The following DNAH17 variants were observed in gnomAD, a reference collection of about 807,000 sequenced individuals.
DNAH17 encodes dynein axonemal heavy chain 17.
DNAH17 carries 376 observed loss-of-function variants against 485.6 expected under a neutral mutation model. The observed-to-expected ratio is 0.77, with a 90% CI of 0.71 to 0.84. The LOEUF (loss-of-function observed/expected upper bound fraction) is 0.84, where lower values mean the gene tolerates loss of function less well. Ranked by LOEUF, DNAH17 falls within the 40% of genes least tolerant of loss-of-function variation. The pLI is 0.00. For synonymous variants in DNAH17, 3,031 were observed against 2,405.9 expected (o/e 1.26, Z -7.60); for missense variants, 6,370 against 5,839.3 (o/e 1.09, Z -2.96).
chr17:78,570,547 G>C (rs1267418949), intron 6 of DNAH17, among the ~76,000 whole-genome samples, 175 bp from the exon 7 acceptor site: 1 of 151,944 alleles, frequency 6.6e-6, no homozygotes, highest in Non-Finnish European at 1.5e-5. Flanking sequence ...AGAAACCCAC[G>C]GCCCCACATG....
intron 27 of DNAH17, among the ~76,000 whole-genome samples, chr17:78,509,362 C>T (rs555479909): frequency 2.0e-5 from 3 of 152,184 alleles, no homozygotes; most frequent in South Asian, 2.1e-4. Flanking sequence ...TGGGCTCAAG[C>T]GCTCCTCCTG....
chr17:78,543,777 A>C (rs1356227922), intron 17 of DNAH17, 80 bp downstream of exon 17: 1 of 1,597,888 alleles, frequency 6.3e-7, no homozygotes, highest in Admixed American at 1.7e-5. Context: ...ATTTTTATGA[A>C]ATCTCCAGCC....
intron 74 of DNAH17, among the ~76,000 whole-genome samples, chr17:78,435,854 C>T (rs761967340): frequency 1.2e-4 from 19 of 152,314 alleles, no homozygotes; most frequent in African/African-American, 2.2e-4. Context: ...AACGTATCCT[C>T]GCGCCCCTCA....
intron 18 of DNAH17, among the ~76,000 whole-genome samples, chr17:78,537,923 G>A (rs1172238205): frequency 6.6e-6 from 1 of 152,200 alleles, no homozygotes; most frequent in Non-Finnish European, 1.5e-5. Flanking sequence ...TGGATCACCT[G>A]AGGTCAGGAG....
intron 36 of DNAH17, 60 bp downstream of exon 36, chr17:78,500,245 C>T: frequency 6.5e-7 from 1 of 1,529,120 alleles, no homozygotes; most frequent in Non-Finnish European, 8.8e-7. Context: ...GGACAGGGTG[C>T]TAGGATCTGC....
intron 54 of DNAH17, among the ~76,000 whole-genome samples, chr17:78,474,724 A>G (rs967130391): frequency 6.6e-6 from 1 of 150,826 alleles, no homozygotes; most frequent in African/African-American, 2.4e-5. Flanking sequence ...CACACCCTTC[A>G]CCTCAGTCAC....
rs149999193 is a variant in DNAH17 at position 78,505,231 on chromosome 17, T to C, written c.4956+62A>G. ...CCGGACATCGCCATCTGAGGGCGTGTGGCCCACACGCGTGCTGCACCCTTG... is the reference window on the plus strand; with the variant it reads ...CCGGACATCGCCATCTGAGGGCGTGCGGCCCACACGCGTGCTGCACCCTTG... On this transcript the variant is annotated intron_variant, in intron 31 of 80. Transcript: ENST00000389840. The C allele has an allele frequency of 2.9e-3, 4,603 of 1,597,344 alleles. 9 individuals are homozygous for C. The highest frequency in any genetic ancestry group is 3.6e-3 in the Non-Finnish European group (4,206 of 1,169,176).
At chr17:78,554,430 C>CA (rs1415059379) in intron 14 of DNAH17, among the ~76,000 whole-genome samples, 1 of 62,282 alleles carries the variant, frequency 1.6e-5, no homozygotes, top group African/African-American at 5.9e-5. Flanking sequence ...GAATGAGACT[C>CA]TGTCTCAAAA....
rs1170307619 is a variant in DNAH17, at chr17:78,572,723, C to T, written c.517G>A (p.Gly173Ser). Residue 173 changes from glycine to serine, a missense_variant, in exon 3 of 81, where the codon GGC becomes AGC. By Grantham distance (56) the Gly-to-Ser change is moderately conservative (BLOSUM62 0). Coordinates refer to ENST00000389840, the MANE Select transcript of DNAH17 (RefSeq NM_173628.4). ...PIPEHLGSLD[G>S]TLESMERIPS... is the part of the protein sequence containing the mutation. ...CACCTCTCCATGGACTCCAGCGTGC[C>T]ATCCAGGCTGCCCAGGTGCTCCGGA... is the stretch of plus-strand genomic sequence containing the variant. 1.2e-5 allele frequency: 20 copies of T among 1,609,418 alleles called. No individual in the cohort carries two copies. The highest frequency in any genetic ancestry group is 1.7e-5 in the Non-Finnish European group (20 of 1,178,124).
At chr17:78,537,604 T>C in intron 18 of DNAH17, 123 bp from the exon 19 acceptor site, 4 of 1,158,730 alleles carry the variant, frequency 3.5e-6, no homozygotes, top group Non-Finnish European at 4.9e-6. Context: ...CTGGGAAGCT[T>C]CTGAGAGCTC....
intron 48 of DNAH17, among the ~76,000 whole-genome samples, chr17:78,484,092 CCT>C (rs1568128999): frequency 1.9e-4 from 15 of 80,800 alleles, no homozygotes; most frequent in African/African-American, 8.0e-4. Context: ...CGAGATTTCT[CCT>C]CAAAAAAAAA....
Position 78,501,880 on chromosome 17 carries a change from G to A in DNAH17, c.5191-7C>T. On this transcript the variant is annotated splice_region_variant and splice_polypyrimidine_tract_variant and intron_variant, in intron 33 of 80. Coordinates refer to ENST00000389840, the MANE Select transcript of DNAH17 (RefSeq NM_173628.4). ...GTACGTTCAGCTGGCTAATCTGCGG[G>A]GGAGAGTGCCTTCGATGAGACACCA... is the stretch of plus-strand genomic sequence containing the variant. The A allele has an allele frequency of 6.2e-7, 1 of 1,613,934 alleles. No individual in the cohort carries two copies. Among genetic ancestry groups the A allele is most frequent in the South Asian group, 1.1e-5 (1 of 91,076 alleles).
At chr17:78,529,113 T>C (rs1459195618) in intron 22 of DNAH17, among the ~76,000 whole-genome samples, 1 of 152,178 alleles carries the variant, frequency 6.6e-6, no homozygotes, top group Non-Finnish European at 1.5e-5. Flanking sequence ...GCTAATTTTC[T>C]ATATTTTTGT....
At chr17:78,460,371 TGA>T (rs972209082) in intron 58 of DNAH17, 114 bp from the exon 59 acceptor site, 80 of 892,190 alleles carry the variant, frequency 9.0e-5, no homozygotes, top group East Asian at 4.0e-4. Flanking sequence ...TGCACGTGCA[TGA>T]GTGTATGTGT....
intron 24 of DNAH17, among the ~76,000 whole-genome samples, chr17:78,525,984 C>T (rs2091058982): frequency 6.6e-6 from 1 of 152,202 alleles, no homozygotes; most frequent in African/African-American, 2.4e-5. Context: ...GCAGGTGGGG[C>T]CGACCCAGCA....
intron 75 of DNAH17, 115 bp downstream of exon 75, chr17:78,433,910 GGAAA>G (rs2086765498): frequency 1.8e-6 from 1 of 551,586 alleles, no homozygotes; most frequent in Non-Finnish European, 2.5e-6. Flanking sequence ...AAGACCAAAA[GGAAA>G]GGGAGGGAAG....
chr17:78,478,260 TATC>T (rs1403429290), intron 51 of DNAH17, among the ~76,000 whole-genome samples: 1 of 69,732 alleles, frequency 1.4e-5, no homozygotes, highest in African/African-American at 7.6e-5. Flanking sequence ...CCATCACCAT[TATC>T]ATCTCCACCA....
chr17:78,427,333 C>G (rs896020013), intron 77 of DNAH17, among the ~76,000 whole-genome samples: 1 of 152,242 alleles, frequency 6.6e-6, no homozygotes, highest in Non-Finnish European at 1.5e-5. Flanking sequence ...CTACAAGTCC[C>G]TGCAGCCGCG....
intron 59 of DNAH17, 70 bp from the exon 60 acceptor site, chr17:78,460,071 C>A: frequency 6.3e-7 from 1 of 1,592,514 alleles, no homozygotes; most frequent in Non-Finnish European, 8.6e-7. Context: ...CCGAAGAAGC[C>A]GCCATGAGTG....
Sources: gnomAD v4.1 joint callset for allele counts (sites outside exome capture counted in the v4.1 genomes callset) on GRCh38, gnomAD v4.1.1 for gene constraint, MANE v1.5 for transcripts, NCBI Gene and HGNC (gene_info 2026-07-23, HGNC 2026-07-21) for gene names.